Variants in HOMER2 observed in about 807,000 individuals in gnomAD.
HOMER2 encodes homer protein homolog 2.
HOMER2 carries 27 observed loss-of-function variants against 47.0 expected under a neutral mutation model. The observed-to-expected ratio is 0.57, with a 90% confidence interval of 0.42 to 0.79. The LOEUF (loss-of-function observed/expected upper bound fraction) is 0.79, where lower values mean the gene tolerates loss of function less well. HOMER2 is among the 30% of genes least tolerant of loss of function. The pLI is 0.00. For missense variants in HOMER2, 443 were observed against 435.0 expected, an observed-to-expected ratio of 1.02 and a Z score of -0.16; for synonymous variants, 161 against 163.8, an observed-to-expected ratio of 0.98 and a Z score of 0.13.
At chr15:82,845,655 T>A (rs2051233720), downstream of HOMER2, 1 of 152,140 alleles carries the variant, frequency 6.6e-6, no homozygotes, top group South Asian at 2.1e-4. Context: ...GAACAAACAA[T>A]CCACTTCTGG....
chr15:82,984,157 C>G (rs934468633), intron 1 of HOMER2, among the ~76,000 whole-genome samples: 1 of 151,908 alleles, frequency 6.6e-6, no homozygotes, highest in Non-Finnish European at 1.5e-5. Flanking sequence ...CTCAGCCTCC[C>G]GAGTAGCTAG....
intron 1 of HOMER2, among the ~76,000 whole-genome samples, chr15:82,901,998 T>C (rs1244380524): frequency 6.6e-6 from 1 of 152,194 alleles, no homozygotes; most frequent in Non-Finnish European, 1.5e-5. Context: ...CTATCCACAG[T>C]ATGCTGTCTA....
intron 2 of HOMER2, 128 bp from the exon 3 acceptor site, chr15:82,875,532 C>T (rs928118236): frequency 2.8e-5 from 26 of 940,992 alleles, no homozygotes; most frequent in Non-Finnish European, 3.3e-5. Context: ...AATTTGGTCC[C>T]GCGTTCTCCT....
intron 1 of HOMER2, among the ~76,000 whole-genome samples, chr15:82,941,058 T>C (rs1046342519): frequency 1.8e-4 from 27 of 152,168 alleles, no homozygotes; most frequent in African/African-American, 6.5e-4. Flanking sequence ...GCTTTCTCTC[T>C]CTATCCCTTC....
intron 1 of HOMER2, among the ~76,000 whole-genome samples, chr15:82,937,624 G>T (rs1780077410): frequency 6.6e-6 from 1 of 152,088 alleles, no homozygotes; most frequent in Admixed American, 6.6e-5. Flanking sequence ...ATGCTGGTGA[G>T]AATTTTAATG....
In HOMER2 at chr15:82,851,238, GA is replaced by G. The variant is rs567936162; in HGVS notation, c.763-8del. ...TTCGGAGATCTTTCAGCTCCTACAT[GA>G]AAAAAATTTGAGATAGAACATGAAA... On this transcript the variant is annotated splice_polypyrimidine_tract_variant and splice_region_variant and intron_variant, in intron 7 of 8. Transcript: ENST00000450735. 5.6e-5 allele frequency: 87 copies of G among 1,546,610 alleles called. No homozygotes were observed. The highest frequency in any genetic ancestry group is 7.5e-5 in the Non-Finnish European group (86 of 1,140,672).
In HOMER2 at chr15:82,892,854, A is replaced by G. The variant is rs41310978; in HGVS notation, c.6-13T>C. ...GATGGGCTGTTCTCTGCAATAAGAGAGTGGGCGTGTGAGTTGAGAGAACAT... is the reference window on the plus strand; with the variant it reads ...GATGGGCTGTTCTCTGCAATAAGAGGGTGGGCGTGTGAGTTGAGAGAACAT... On this transcript the variant is annotated splice_polypyrimidine_tract_variant and intron_variant, in intron 1 of 8. Transcript: ENST00000450735. 318,072 of 1,524,942 alleles carry G rather than the reference A, an allele frequency of 0.21. 36,587 individuals are homozygous for G. Among genetic ancestry groups the G allele is most frequent in the South Asian group, 0.37 (28,575 of 76,950 alleles). The allele number at this position is 1,524,942 out of a possible 1,614,324, so 94.5% of individuals were successfully genotyped here. A position where few individuals can be genotyped will look rare whatever the true frequency, so the allele number is the denominator to read the frequency against.
chr15:82,909,339 T>C (rs567197885), intron 1 of HOMER2, among the ~76,000 whole-genome samples: 6 of 152,338 alleles, frequency 3.9e-5, no homozygotes, highest in Non-Finnish European at 8.8e-5. Context: ...AGGGGTCTTC[T>C]TCCTAACGCA....
chr15:82,882,928 T>C (rs1399996353), intron 2 of HOMER2, among the ~76,000 whole-genome samples: 1 of 63,072 alleles, frequency 1.6e-5, no homozygotes, highest in Non-Finnish European at 2.9e-5. Flanking sequence ...AGTTTTAGGG[T>C]ACATGTGCAC....
chr15:82,900,420 T>C (rs2053076999), intron 1 of HOMER2, among the ~76,000 whole-genome samples: 1 of 152,170 alleles, frequency 6.6e-6, no homozygotes, highest in African/African-American at 2.4e-5. Flanking sequence ...TATCCCTAAA[T>C]TAATATATAA....
At chr15:82,871,633 G>A (rs892904444) in intron 3 of HOMER2, among the ~76,000 whole-genome samples, 3 of 152,208 alleles carry the variant, frequency 2.0e-5, no homozygotes, top group Non-Finnish European at 2.9e-5. Flanking sequence ...TCTTTGTGAC[G>A]ATGGAGGTTG....
At chr15:82,895,862 TG>T (rs1187424141) in intron 1 of HOMER2, among the ~76,000 whole-genome samples, 1 of 152,192 alleles carries the variant, frequency 6.6e-6, no homozygotes, top group East Asian at 1.9e-4. Context: ...CCCTTGAACC[TG>T]GCTCTCCAAG....
chr15:82,976,126 C>T (rs547440090), intron 1 of HOMER2, among the ~76,000 whole-genome samples: 18 of 152,226 alleles, frequency 1.2e-4, no homozygotes, highest in Admixed American at 5.2e-4. Flanking sequence ...TGTGTGTGCA[C>T]GCACTCCGTG....
chr15:82,878,344 T>A (rs1011285342), intron 2 of HOMER2, among the ~76,000 whole-genome samples: 2 of 152,120 alleles, frequency 1.3e-5, no homozygotes, highest in Non-Finnish European at 2.9e-5. Context: ...TAACCCCCAT[T>A]TTTTTCAGAT....
chr15:82,889,947 C>T (rs1366518043), intron 2 of HOMER2, among the ~76,000 whole-genome samples: 1 of 152,176 alleles, frequency 6.6e-6, no homozygotes. Flanking sequence ...CTGAGGTCCA[C>T]CCTACTCCCC....
At chr15:82,965,695 TA>T (rs1170651669) in intron 1 of HOMER2, among the ~76,000 whole-genome samples, 14 of 152,006 alleles carry the variant, frequency 9.2e-5, no homozygotes, top group Non-Finnish European at 5.9e-5. Context: ...TGGTGAGAAT[TA>T]AAGGCACACA....
chr15:82,894,984 C>G (rs1345429885), intron 1 of HOMER2, among the ~76,000 whole-genome samples: 2 of 152,172 alleles, frequency 1.3e-5, no homozygotes, highest in Non-Finnish European at 2.9e-5. Context: ...AACCAATTTG[C>G]CATTTGAGCC....
chr15:82,980,225 T>C (rs2030347233), intron 1 of HOMER2, among the ~76,000 whole-genome samples: 1 of 152,090 alleles, frequency 6.6e-6, no homozygotes, highest in Non-Finnish European at 1.5e-5. Context: ...GCCAAGAGCA[T>C]GCCTGTGATA....
intron 1 of HOMER2, among the ~76,000 whole-genome samples, chr15:82,922,055 A>G (rs2053742196): frequency 1.3e-5 from 2 of 152,242 alleles, no homozygotes; most frequent in Admixed American, 1.3e-4. Flanking sequence ...TGCTTAAAAG[A>G]TAACAGATAT....
Sources: allele counts gnomAD v4.1 joint callset (sites outside exome capture counted in the v4.1 genomes callset), GRCh38; gene constraint gnomAD v4.1.1; transcripts MANE v1.5; gene names NCBI Gene and HGNC (gene_info 2026-07-23, HGNC 2026-07-21).